Variants in RPAP3 observed in about 807,000 individuals in gnomAD.
RPAP3 encodes the protein RNA polymerase II associated protein 3.
A neutral mutation model predicts 88.8 loss-of-function variants in RPAP3; 58 were observed. The observed-to-expected ratio is 0.65, with a 90% CI of 0.53 to 0.81. The LOEUF (loss-of-function observed/expected upper bound fraction) is 0.81, where lower values mean the gene tolerates loss of function less well. RPAP3 is among the 40% of genes least tolerant of loss of function. The pLI is 0.00. For missense variants in RPAP3, 751 were observed against 764.3 expected (o/e 0.98, Z 0.20); for synonymous variants, 255 against 259.9 (o/e 0.98, Z 0.18).
Position 47,696,327 on chromosome 12 carries a change from T to C in RPAP3, c.494A>G (p.Tyr165Cys), listed in dbSNP as rs1487379083. ...CYTKGMDADP[Y>C]NPVLPTNRAS... ...TCTGTTCGTTGGCAACACGGGATTA[T>C]ATGGATCGGCATCCATGCCTTTTGT... The change falls in exon 5 of 17, where the codon TAT (tyrosine) becomes TGT (cysteine). Residue 165 changes from tyrosine (Y) to cysteine (C), a missense_variant. Tyr to Cys is a radical substitution (Grantham distance 194). Coordinates refer to ENST00000005386, the MANE Select transcript of RPAP3 (RefSeq NM_024604.3). 2.5e-6 allele frequency: 4 copies of C among 1,601,392 alleles called. No individual in the cohort carries two copies. The highest frequency in any genetic ancestry group is 2.3e-5 in the East Asian group (1 of 44,208).
At chr12:47,668,358 A>AT (rs1389153713) in intron 14 of RPAP3, among the ~76,000 whole-genome samples, 13 of 152,320 alleles carry the variant, frequency 8.5e-5, no homozygotes, top group Admixed American at 5.9e-4. Flanking sequence ...GATATACACC[A>AT]TCCTAAGAGA....
chr12:47,667,464 A>T (rs1171119154), intron 15 of RPAP3, among the ~76,000 whole-genome samples: 1 of 152,206 alleles, frequency 6.6e-6, no homozygotes, highest in African/African-American at 2.4e-5. Flanking sequence ...TATGCTGCTA[A>T]TTTGCTATAT....
At chr12:47,678,344 G>A (rs1319072818) in intron 12 of RPAP3, among the ~76,000 whole-genome samples, 1 of 152,146 alleles carries the variant, frequency 6.6e-6, no homozygotes, top group East Asian at 1.9e-4. Flanking sequence ...CATAGGCAAG[G>A]ACTTCATGAC....
intron 5 of RPAP3, among the ~76,000 whole-genome samples, chr12:47,695,116 A>AGG (rs1939497827): frequency 6.6e-6 from 1 of 152,102 alleles, no homozygotes; most frequent in Non-Finnish European, 1.5e-5. Context: ...GGACAGAAGG[A>AGG]GGGAAGAAAG....
intron 1 of RPAP3, among the ~76,000 whole-genome samples, chr12:47,703,539 G>T (rs1290296374): frequency 6.6e-6 from 1 of 152,128 alleles, no homozygotes; most frequent in Admixed American, 6.5e-5. Flanking sequence ...TGCGTCAGAG[G>T]TACATACAGA....
At chr12:47,687,058 A>C (rs940171911) in intron 8 of RPAP3, 151 bp from the exon 9 acceptor site, 7 of 530,054 alleles carry the variant, frequency 1.3e-5, no homozygotes, top group African/African-American at 1.2e-4. Flanking sequence ...CACGTTTTAA[A>C]ATCTGTTGGT....
At position 47,701,614 on chromosome 12, in the gene RPAP3, GAA is replaced by G; in HGVS notation, c.154-12_154-11del. 1 of 1,512,812 alleles carries G rather than the reference GAA, an allele frequency of 6.6e-7. No individual in the cohort carries two copies. Among genetic ancestry groups the G allele is most frequent in the Non-Finnish European group, 8.9e-7 (1 of 1,129,868 alleles). The allele number at this position is 1,512,812 out of a possible 1,614,324, so 93.7% of individuals were successfully genotyped here. A position where few individuals can be genotyped will look rare whatever the true frequency, so the allele number is the denominator to read the frequency against. On this transcript the variant is annotated splice_polypyrimidine_tract_variant and intron_variant, in intron 2 of 16. Transcript: ENST00000005386. ...GAATAGGAGGTAAATTCTAAGGAGG[GAA>G]AAAAAAACACAAAGTTGTGAGTATT...
intron 12 of RPAP3, among the ~76,000 whole-genome samples, chr12:47,674,084 TAAAAAAAAAA>T (rs34101861): frequency 8.1e-6 from 1 of 123,338 alleles, no homozygotes. Flanking sequence ...TTAAAGATTC[TAAAAAAAAAA>T]AAAAAAAAAA....
At chr12:47,703,815 G>A (rs1052303211) in intron 1 of RPAP3, among the ~76,000 whole-genome samples, 10 of 152,154 alleles carry the variant, frequency 6.6e-5, no homozygotes, top group African/African-American at 2.4e-4. Flanking sequence ...AAATATCAAG[G>A]TAGTAAAATA....
chr12:47,689,046 T>C, intron 7 of RPAP3, 79 bp downstream of exon 7: 2 of 672,502 alleles, frequency 3.0e-6, no homozygotes, highest in Non-Finnish European at 5.1e-6. Flanking sequence ...AAGAAATCTA[T>C]AGTACAAAAT....
At chr12:47,690,672 T>G (rs1939412067) in intron 5 of RPAP3, 33 bp from the exon 6 acceptor site, 4 of 1,357,528 alleles carry the variant, frequency 2.9e-6, no homozygotes, top group Non-Finnish European at 3.9e-6. Flanking sequence ...TAAATAAAGT[T>G]AATAAAACTA....
rs1938761006 is a variant in RPAP3, at chr12:47,661,613, A to G, written c.*1892T>C. The G allele has an allele frequency of 6.6e-6, 1 of 152,206 alleles. No individual in the cohort carries two copies. Among genetic ancestry groups the G allele is most frequent in the South Asian group, 2.1e-4 (1 of 4,832 alleles). The allele number at this position is 152,206 out of a possible 1,614,324, so 9.4% of individuals were successfully genotyped here. The stretch of plus-strand genomic sequence containing the variant: ...TGGGGAGAAATCAGGCTAACATCAG[A>G]AATTTTTTAAAATTCAAATTCTATA... On this transcript the variant is annotated 3_prime_UTR_variant, in exon 17 of 17. Coordinates refer to ENST00000005386, the MANE Select transcript of RPAP3 (RefSeq NM_024604.3).
intron 9 of RPAP3, among the ~76,000 whole-genome samples, chr12:47,682,772 A>G (rs1190207058): frequency 6.6e-6 from 1 of 152,192 alleles, no homozygotes; most frequent in Non-Finnish European, 1.5e-5. Flanking sequence ...TATGAAAAAA[A>G]TCAGAATTTC....
chr12:47,697,572 AAAAC>A (rs1380332014), intron 4 of RPAP3, 21 bp downstream of exon 4: 4 of 1,580,156 alleles, frequency 2.5e-6, no homozygotes. Context: ...TACATGAAAA[AAAAC>A]AAAACCTAAC....
chr12:47,670,039 G>A (rs1938962463), intron 13 of RPAP3, 68 bp downstream of exon 13: 2 of 1,000,250 alleles, frequency 2.0e-6, no homozygotes, highest in South Asian at 2.8e-5. Context: ...AGAAGTCTCA[G>A]TAATATCAAT....
intron 2 of RPAP3, among the ~76,000 whole-genome samples, 156 bp downstream of exon 2, chr12:47,702,532 G>A (rs1592489627): frequency 1.3e-5 from 2 of 152,084 alleles, no homozygotes; most frequent in South Asian, 2.1e-4. Flanking sequence ...CCAGCCTGGT[G>A]ACAGAGCAAG....
chr12:47,664,320 G>A (rs1296120434), intron 16 of RPAP3, among the ~76,000 whole-genome samples: 1 of 152,144 alleles, frequency 6.6e-6, no homozygotes, highest in Non-Finnish European at 1.5e-5. Flanking sequence ...AACCCAGGAG[G>A]CGGAGCTTGC....
chr12:47,694,676 A>G (rs956992345), intron 5 of RPAP3, among the ~76,000 whole-genome samples: 8 of 152,142 alleles, frequency 5.3e-5, no homozygotes, highest in Admixed American at 2.6e-4. Context: ...AAAATGGCCA[A>G]ACACCAAATA....
At chr12:47,695,573 T>C (rs1410667163) in intron 5 of RPAP3, among the ~76,000 whole-genome samples, 3 of 152,164 alleles carry the variant, frequency 2.0e-5, no homozygotes, top group African/African-American at 4.8e-5. Context: ...TTTTAAACTA[T>C]TCTCTGTAAT....
Sources: gnomAD v4.1 joint callset for allele counts (sites outside exome capture counted in the v4.1 genomes callset) on GRCh38, gnomAD v4.1.1 for gene constraint, MANE v1.5 for transcripts, NCBI Gene and HGNC (gene_info 2026-07-23, HGNC 2026-07-21) for gene names.